The following ASXL3 variants were observed in gnomAD, a reference collection of about 807,000 sequenced individuals.
ASXL3 encodes the protein putative Polycomb group protein ASXL3.
A neutral mutation model predicts 170.6 loss-of-function variants in ASXL3; 34 were observed. That is an observed-to-expected ratio of 0.20 (90% CI 0.15 to 0.27). The LOEUF is 0.27. ASXL3 is among the 10% of genes least tolerant of loss of function. The probability of loss-of-function intolerance (pLI) is 1.00; values close to 1 mark genes in which losing one functional copy is unlikely to be tolerated. For synonymous variants in ASXL3, 1,002 were observed against 989.1 expected (o/e 1.01, Z -0.24); for missense variants, 2,592 against 2,695.3 (o/e 0.96, Z 0.85).
chr18:33,695,052 T>G (rs893385541), intron 8 of ASXL3, among the ~76,000 whole-genome samples: 2 of 152,184 alleles, frequency 1.3e-5, no homozygotes, highest in African/African-American at 4.8e-5. Context: ...TCATACATTT[T>G]CGATAACTCA....
chr18:33,671,678 C>A, intron 6 of ASXL3, 69 bp from the exon 7 acceptor site: 1 of 1,396,074 alleles, frequency 7.2e-7, no homozygotes. Context: ...GTTCCTCAAA[C>A]AATTTTAGAT....
intron 1 of ASXL3, among the ~76,000 whole-genome samples, chr18:33,603,186 A>G (rs966851471): frequency 6.6e-6 from 1 of 152,074 alleles, no homozygotes; most frequent in Non-Finnish European, 1.5e-5. Flanking sequence ...TTAAATGAAC[A>G]CTGGTCTAAT....
At chr18:33,588,359 G>GT (rs375681396) in intron 1 of ASXL3, among the ~76,000 whole-genome samples, 1,962 of 142,230 alleles carry the variant, frequency 0.014, 31 homozygotes, top group African/African-American at 0.036. Context: ...AAAGGAGCAG[G>GT]TTTTTTTTTT....
rs145185283 is a variant in ASXL3 at position 33,600,845 on chromosome 18, C to CA, written c.55-6748dup. On this transcript the variant is annotated intron_variant, in intron 1 of 11. Coordinates refer to ENST00000269197, the MANE Select transcript of ASXL3 (RefSeq NM_030632.3). ...GCAACTGAAGTATGTTGCTATAAAA[C>CA]AGAGTTTCCTTCTCATGAATATTCT... 2.8e-3 allele frequency among the ~76,000 whole-genome samples: 419 copies of CA among 152,252 alleles called. 5 individuals are homozygous for CA. Among genetic ancestry groups the CA allele is most frequent in the African/African-American group, 9.3e-3 (388 of 41,544 alleles).
At chr18:33,720,420 G>A (rs2067239499) in intron 8 of ASXL3, among the ~76,000 whole-genome samples, 1 of 152,022 alleles carries the variant, frequency 6.6e-6, no homozygotes, top group South Asian at 2.1e-4. Flanking sequence ...ATGAGCTTGA[G>A]TTTCACTAAA....
At chr18:33,704,827 T>TGA (rs1209250140) in intron 8 of ASXL3, among the ~76,000 whole-genome samples, 3 of 151,940 alleles carry the variant, frequency 2.0e-5, no homozygotes, top group Non-Finnish European at 4.4e-5. Context: ...AAATAAATGG[T>TGA]GAGTATAGAA....
chr18:33,608,932 C>A, intron 2 of ASXL3: 1 of 623,120 alleles, frequency 1.6e-6, no homozygotes, highest in Non-Finnish European at 2.0e-6. Context: ...TACTGGCGTA[C>A]AGGACACCTA....
intron 7 of ASXL3, among the ~76,000 whole-genome samples, chr18:33,678,392 A>G (rs188941263): frequency 4.6e-5 from 7 of 152,328 alleles, no homozygotes; most frequent in Non-Finnish European, 7.3e-5. Flanking sequence ...CACTTCATGC[A>G]TAATCCTTGT....
At chr18:33,689,991 G>A (rs1040989788) in intron 8 of ASXL3, among the ~76,000 whole-genome samples, 1 of 152,052 alleles carries the variant, frequency 6.6e-6, no homozygotes. Flanking sequence ...GCTGGCTGCT[G>A]TGCCCTCTGA....
rs376716364 is a variant in ASXL3 at position 33,745,917 on chromosome 18, C to T, written c.6069C>T (p.Pro2023=). 1.1e-5 allele frequency: 18 copies of T among 1,579,414 alleles called. No individual in the cohort carries two copies. The African/African-American group carries it at 2.2e-4, about 20-fold the overall frequency. ...ALVHPPPPPP[P]PPPPPLALPP... is the part of the protein sequence containing the mutation. ...TACATCCGCCGCCGCCACCGCCTCC[C>T]CCTCCCCCTCCACCCTTGGCTTTGC... The change falls in exon 12 of 12, where the codon CCC becomes CCT. Residue 2023 remains proline (P), a synonymous_variant. Coordinates refer to ENST00000269197, the MANE Select transcript of ASXL3 (RefSeq NM_030632.3).
intron 2 of ASXL3, among the ~76,000 whole-genome samples, chr18:33,630,544 C>T (rs917679614): frequency 3.3e-5 from 5 of 151,926 alleles, no homozygotes; most frequent in African/African-American, 7.2e-5. Context: ...AATTGGCACT[C>T]GTCTTGTGTT....
intron 2 of ASXL3, among the ~76,000 whole-genome samples, chr18:33,612,175 A>T (rs1397520628): frequency 6.8e-6 from 1 of 147,600 alleles, no homozygotes; most frequent in East Asian, 2.0e-4. Context: ...AAGTGGTCAT[A>T]AAATTAAACA....
At chr18:33,675,582 A>T (rs909052399) in intron 7 of ASXL3, among the ~76,000 whole-genome samples, 1 of 152,114 alleles carries the variant, frequency 6.6e-6, no homozygotes, top group Non-Finnish European at 1.5e-5. Context: ...TTTTTTTCTC[A>T]TTGTGATATT....
intron 4 of ASXL3, among the ~76,000 whole-genome samples, chr18:33,653,339 T>C (rs1002019528): frequency 1.3e-5 from 2 of 152,106 alleles, no homozygotes; most frequent in East Asian, 3.9e-4. Context: ...CTTCTATGCC[T>C]GAACCAGGTC....
intron 10 of ASXL3, 65 bp downstream of exon 10, chr18:33,734,480 A>T: frequency 9.7e-7 from 1 of 1,033,962 alleles, no homozygotes; most frequent in Non-Finnish European, 1.4e-6. Flanking sequence ...TCTCTGCTTC[A>T]CATAGCACAC....
At chr18:33,603,899 C>T (rs1350907904) in intron 1 of ASXL3, among the ~76,000 whole-genome samples, 1 of 152,024 alleles carries the variant, frequency 6.6e-6, no homozygotes, top group Non-Finnish European at 1.5e-5. Context: ...GTTTCAGAAT[C>T]TGATTTGTGA....
chr18:33,688,713 A>C (rs1015566557), intron 8 of ASXL3, among the ~76,000 whole-genome samples: 7 of 152,188 alleles, frequency 4.6e-5, no homozygotes, highest in Non-Finnish European at 8.8e-5. Flanking sequence ...CAATAGTGTC[A>C]AATGTACAAT....
chr18:33,578,537 T>C lies in ASXL3; in HGVS notation c.-95T>C. On this transcript the variant is annotated 5_prime_UTR_variant, in exon 1 of 12. Transcript: ENST00000269197. ...CCTCCCCCCGCGGAGCGAGTGCGGGTCACCGGGTCACTGGGTCATTGTCTC... is the reference window on the plus strand; with the variant it reads ...CCTCCCCCCGCGGAGCGAGTGCGGGCCACCGGGTCACTGGGTCATTGTCTC... 1 of 685,178 alleles carries C rather than the reference T, an allele frequency of 1.5e-6. No individual in the cohort carries two copies. The highest frequency in any genetic ancestry group is 1.9e-6 in the Non-Finnish European group (1 of 520,672). 42.4% of individuals were successfully genotyped at this position (685,178 alleles called of 1,614,324 possible).
At chr18:33,585,103 C>T (rs920658288) in intron 1 of ASXL3, among the ~76,000 whole-genome samples, 1 of 152,040 alleles carries the variant, frequency 6.6e-6, no homozygotes, top group African/African-American at 2.4e-5. Context: ...TCCTCTCACT[C>T]TGTCTTCCTC....
Sources: allele counts gnomAD v4.1 joint callset (sites outside exome capture counted in the v4.1 genomes callset), GRCh38; gene constraint gnomAD v4.1.1; transcripts MANE v1.5; gene names NCBI Gene and HGNC (gene_info 2026-07-23, HGNC 2026-07-21).